Variants in GIMAP8 observed in about 807,000 individuals in gnomAD.
GIMAP8 encodes GTPase IMAP family member 8.
GIMAP8 carries 29 observed loss-of-function variants against 35.6 expected under a neutral mutation model. The ratio of observed to expected loss-of-function variants is 0.81; its 90% CI spans 0.61 to 1.11. The LOEUF is 1.11. GIMAP8 is among the 50% of genes most tolerant of loss of function. GIMAP8 has a pLI of 0.00. For missense variants in GIMAP8, 811 were observed against 805.0 expected (o/e 1.01, Z -0.09); for synonymous variants, 335 against 308.7 (o/e 1.09, Z -0.89).
At chr7:150,468,667 T>C (rs1415171719) in intron 2 of GIMAP8, among the ~76,000 whole-genome samples, 2 of 152,232 alleles carry the variant, frequency 1.3e-5, no homozygotes, top group South Asian at 4.1e-4. Context: ...TATGTATTTG[T>C]ATGAACATAG....
Position 150,477,876 on chromosome 7 carries a change from C to A in GIMAP8, c.*96C>A. ...CAACCTGTGGGAAGGGAAGCGGGTT[C>A]ATGGCTTTGAGGGCCTGAGAGGCAA... is the stretch of plus-strand genomic sequence containing the variant. On this transcript the variant is annotated 3_prime_UTR_variant, in exon 5 of 5. Coordinates refer to ENST00000307271, the MANE Select transcript of GIMAP8 (RefSeq NM_175571.4). 1.0e-6 allele frequency: 1 copy of A among 987,692 alleles called. No individual in the cohort carries two copies. The highest frequency in any genetic ancestry group is 1.7e-5 in the South Asian group (1 of 60,472). 61.2% of individuals were successfully genotyped at this position (987,692 alleles called of 1,614,324 possible).
At chr7:150,465,458 G>A (rs901773926) in intron 1 of GIMAP8, among the ~76,000 whole-genome samples, 2 of 152,162 alleles carry the variant, frequency 1.3e-5, no homozygotes, top group Non-Finnish European at 2.9e-5. Context: ...TTTCCTCGCA[G>A]CGACAGTTTT....
chr7:150,479,255 C>A lies in GIMAP8; in HGVS notation c.*1475C>A, dbSNP rs1489063170. ...GTGACAAAATTACCTGTACACCACA[C>A]CCCTGTGACACACAACTTACTCATG... On this transcript the variant is annotated 3_prime_UTR_variant, in exon 5 of 5. Coordinates refer to ENST00000307271, the MANE Select transcript of GIMAP8 (RefSeq NM_175571.4). 2.0e-5 allele frequency: 3 copies of A among 152,122 alleles called. No homozygotes were observed. The highest frequency in any genetic ancestry group is 4.4e-5 in the Non-Finnish European group (3 of 68,020). The allele number at this position is 152,122 out of a possible 1,614,324, so 9.4% of individuals were successfully genotyped here. A position where few individuals can be genotyped will look rare whatever the true frequency, so the allele number is the denominator to read the frequency against.
chr7:150,472,561 A>G lies in GIMAP8; in HGVS notation c.683-1451A>G, dbSNP rs1802115241. On this transcript the variant is annotated intron_variant, in intron 3 of 4. Coordinates refer to ENST00000307271, the MANE Select transcript of GIMAP8 (RefSeq NM_175571.4). The surrounding 1 kb of genome is among the most constrained non-coding windows in gnomAD (Gnocchi z 4.1). The stretch of plus-strand genomic sequence containing the variant: ...GACCAGCTCCTGGCTCTCAAGGGCT[A>G]TTTATTATCCCTTCTCACTCCTACT... 6.6e-6 allele frequency among the ~76,000 whole-genome samples: 1 copy of G among 152,144 alleles called. No individual in the cohort carries two copies. The highest frequency in any genetic ancestry group is 6.5e-5 in the Admixed American group (1 of 15,284).
Position 150,477,648 on chromosome 7 carries a change from T to C in GIMAP8, c.1866T>C (p.Asn622=), listed in dbSNP as rs751983954. The change falls in exon 5 of 5, where the codon AAT becomes AAC. Residue 622 remains asparagine, a synonymous_variant. Transcript: ENST00000307271. ...TQVKALLTKV[N]DLRKESGWSG... is the part of the protein sequence containing the mutation. ...TGAAAGCTCTTTTAACAAAGGTCAATGATCTGAGAAAAGAAAGTGGGTGGT... is the reference window on the plus strand; with the variant it reads ...TGAAAGCTCTTTTAACAAAGGTCAACGATCTGAGAAAAGAAAGTGGGTGGT... The C allele has an allele frequency of 6.2e-7, 1 of 1,614,140 alleles. No individual in the cohort carries two copies. The highest frequency in any genetic ancestry group is 8.5e-7 in the Non-Finnish European group (1 of 1,180,028).
chr7:150,452,581 A>G (rs1801630601), intron 1 of GIMAP8, among the ~76,000 whole-genome samples: 1 of 147,980 alleles, frequency 6.8e-6, no homozygotes, highest in Admixed American at 6.8e-5. Context: ...GTGTGTATGT[A>G]TATATGTATA....
At position 150,477,527 on chromosome 7, in the gene GIMAP8, C is replaced by G. The variant is rs190328124; in HGVS notation, c.1745C>G (p.Ser582Ter). Residue 582 changes from serine to a stop codon, truncating the protein, a stop_gained, in exon 5 of 5, where the codon TCA becomes TGA. Coordinates refer to ENST00000307271, the MANE Select transcript of GIMAP8 (RefSeq NM_175571.4). LOFTEE classifies it low-confidence loss of function (END_TRUNC). ...AATTTGGAAGACTTCATGAAGAACT[C>G]AGATAACAAAGCCCTTCGGCGCATT... is the stretch of plus-strand genomic sequence containing the variant. ...AGNLEDFMKN[S>*]DNKALRRIFK... 1.2e-5 allele frequency: 19 copies of G among 1,614,124 alleles called. No homozygotes were observed. In the East Asian group the frequency reaches 4.0e-4, roughly 34 times the overall value.
intron 3 of GIMAP8, among the ~76,000 whole-genome samples, chr7:150,473,797 A>G (rs189392755): frequency 5.5e-4 from 84 of 151,982 alleles, no homozygotes; most frequent in African/African-American, 1.9e-3. Context: ...GTTCCTGGGG[A>G]ATCATAAGCT....
intron 1 of GIMAP8, among the ~76,000 whole-genome samples, 151 bp from the exon 2 acceptor site, chr7:150,466,520 T>C (rs1317182863): frequency 1.3e-5 from 2 of 152,192 alleles, no homozygotes; most frequent in African/African-American, 2.4e-5. Context: ...GGGAAAGTGT[T>C]TCTTGTTCTA....
At chr7:150,475,219 T>C (rs1802201690) in intron 4 of GIMAP8, among the ~76,000 whole-genome samples, 1 of 152,236 alleles carries the variant, frequency 6.6e-6, no homozygotes. Context: ...GATTTCATTC[T>C]TTTTTATGGC....
intron 4 of GIMAP8, among the ~76,000 whole-genome samples, chr7:150,475,697 A>G (rs1205964209): frequency 6.6e-6 from 1 of 152,196 alleles, no homozygotes; most frequent in Admixed American, 6.5e-5. Flanking sequence ...CCAAAGGAGC[A>G]TATTTTCTTA....
At chr7:150,471,663 C>G (rs1802095492) in intron 3 of GIMAP8, among the ~76,000 whole-genome samples, 1 of 152,078 alleles carries the variant, frequency 6.6e-6, no homozygotes, top group African/African-American at 2.4e-5. Flanking sequence ...ATGGCAAAAC[C>G]CTGTCTCTAC....
chr7:150,473,989 G>A, intron 3 of GIMAP8, 23 bp from the exon 4 acceptor site: 1 of 1,599,052 alleles, frequency 6.3e-7, no homozygotes, highest in Non-Finnish European at 8.5e-7. Context: ...AAGAGACTCT[G>A]AACCTGTCCA....
In GIMAP8 at chr7:150,472,600, C is replaced by T. The variant is rs1802115992; in HGVS notation, c.683-1412C>T. Among the ~76,000 whole-genome samples the T allele has an allele frequency of 6.6e-6, 1 of 152,128 alleles. No homozygotes were observed. The highest frequency in any genetic ancestry group is 1.5e-5 in the Non-Finnish European group (1 of 68,034). On this transcript the variant is annotated intron_variant, in intron 3 of 4. Transcript: ENST00000307271. The surrounding 1 kb of genome is among the most constrained non-coding windows in gnomAD (Gnocchi z 4.1). The stretch of plus-strand genomic sequence containing the variant: ...CTCACTCCTACTTTTAACCACTGCA[C>T]TGTATGGTCTCTCTAAATTGAAGAG...
chr7:150,477,419 C>G lies in GIMAP8; in HGVS notation c.1637C>G (p.Ala546Gly), dbSNP rs146125013. 160 of 1,613,832 alleles carry G rather than the reference C, an allele frequency of 9.9e-5. 1 individual carries two copies. The Middle Eastern group carries it at 2.0e-3, about 20-fold the overall frequency. The change falls in exon 5 of 5, where the codon GCG becomes GGG. Residue 546 changes from alanine to glycine, a missense_variant. Ala to Gly is a moderately conservative substitution (Grantham distance 60). Transcript: ENST00000307271. Reference sequence around the variant, plus strand: ...ACTGAAGAGGACAAAACAGCTGTGGCGAAACTGGAGGCCATCTTTGGAGCA... The same window carrying G: ...ACTGAAGAGGACAAAACAGCTGTGGGGAAACTGGAGGCCATCTTTGGAGCA... ...RFTEEDKTAV[A>G]KLEAIFGADF...
intron 1 of GIMAP8, among the ~76,000 whole-genome samples, chr7:150,463,622 C>T (rs1801889544): frequency 6.6e-6 from 1 of 152,174 alleles, no homozygotes; most frequent in Non-Finnish European, 1.5e-5. Flanking sequence ...TCAGTGATGT[C>T]TGCAAGTTCC....
rs1801980886 is a variant in GIMAP8 at position 150,467,086 on chromosome 7, A to G, written c.388A>G (p.Ile130Val). ...TGGAGCTGAAGCCAGGAGGCACATCATTATTGTCTTCACTCGGAAGGATGA... is the reference window on the plus strand; with the variant it reads ...TGGAGCTGAAGCCAGGAGGCACATCGTTATTGTCTTCACTCGGAAGGATGA... ...VFGAEARRHI[I>V]IVFTRKDDLG... Residue 130 changes from isoleucine to valine, a missense_variant, in exon 2 of 5, where the codon ATT becomes GTT. Transcript: ENST00000307271. 3 of 1,614,204 alleles carry G rather than the reference A, an allele frequency of 1.9e-6. No homozygotes were observed. Among genetic ancestry groups the G allele is most frequent in the Non-Finnish European group, 2.5e-6 (3 of 1,180,018 alleles).
In GIMAP8 at chr7:150,451,137, A is replaced by G. The variant is rs1801597106; in HGVS notation, c.-67A>G. The G allele has an allele frequency of 6.6e-6, 1 of 152,194 alleles. No homozygotes were observed. The highest frequency in any genetic ancestry group is 6.5e-5 in the Admixed American group (1 of 15,280). The allele number at this position is 152,194 out of a possible 1,614,324, so 9.4% of individuals were successfully genotyped here. ...CCCTCACCCTCCTCACCTTCCTCAC[A>G]TCCTGTGCCCTGGGGGACCAGCAGC... On this transcript the variant is annotated 5_prime_UTR_variant, in exon 1 of 5. Transcript: ENST00000307271. The surrounding 1 kb of genome is among the most constrained non-coding windows in gnomAD (Gnocchi z 4.1).
intron 3 of GIMAP8, among the ~76,000 whole-genome samples, chr7:150,471,169 T>C (rs1397413600): frequency 6.6e-6 from 1 of 152,210 alleles, no homozygotes; most frequent in Non-Finnish European, 1.5e-5. Context: ...TTTCTGGCCT[T>C]GGATCCGGCC....
Sources: allele counts gnomAD v4.1 joint callset (sites outside exome capture counted in the v4.1 genomes callset), GRCh38; gene constraint gnomAD v4.1.1; non-coding constraint Gnocchi (gnomAD v3.1); transcripts MANE v1.5; gene names NCBI Gene and HGNC (gene_info 2026-07-23, HGNC 2026-07-21).